ATG4A: variants seen among roughly 807,000 people sequenced by gnomAD.
The protein encoded by ATG4A is autophagy related 4A cysteine peptidase.
ATG4A carries 22 observed loss-of-function variants against 38.4 expected under a neutral mutation model. The observed-to-expected ratio is 0.57, with a 90% CI of 0.41 to 0.82. The LOEUF (loss-of-function observed/expected upper bound fraction) is 0.82. ATG4A is among the 40% of genes least tolerant of loss of function. The pLI, the probability that ATG4A is intolerant of heterozygous loss-of-function variation, is 0.00. For missense variants in ATG4A, 220 were observed against 290.0 expected (o/e 0.76, Z 1.75); for synonymous variants, 86 against 100.7 (o/e 0.85, Z 0.88).
At chrX:108,107,879 G>T (rs760571780) in intron 1 of ATG4A, among the ~76,000 whole-genome samples, 136 of 111,116 alleles carry the variant, frequency 1.2e-3, no homozygotes, top group South Asian at 4.6e-3. Context: ...TATGCCGGGG[G>T]ACTCATTACT....
intron 1 of ATG4A, among the ~76,000 whole-genome samples, chrX:108,110,784 G>A (rs755205893): frequency 1.8e-5 from 2 of 112,703 alleles, no homozygotes; most frequent in East Asian, 2.8e-4. Context: ...TGTGTTGAAT[G>A]TGCGTATTGC....
chrX:108,112,613 T>C (rs112210555), intron 1 of ATG4A, among the ~76,000 whole-genome samples: 129 of 110,661 alleles, frequency 1.2e-3, no homozygotes, highest in African/African-American at 3.8e-3. Context: ...GCCAGGATGG[T>C]CTTCATCTCC....
At chrX:108,107,853 G>C (rs1051665614) in intron 1 of ATG4A, among the ~76,000 whole-genome samples, 1 of 111,120 alleles carries the variant, frequency 9.0e-6, no homozygotes, top group Non-Finnish European at 1.9e-5. Flanking sequence ...CCATTGACAG[G>C]CCTCTACAAC....
intron 1 of ATG4A, among the ~76,000 whole-genome samples, chrX:108,094,771 C>G (rs1006125980): frequency 8.9e-6 from 1 of 112,068 alleles, no homozygotes; most frequent in African/African-American, 3.2e-5. Context: ...GCAGGTTAAT[C>G]ACTTCCAATT....
intron 4 of ATG4A, among the ~76,000 whole-genome samples, chrX:108,133,436 G>A (rs1248730343): frequency 8.9e-6 from 1 of 112,498 alleles, no homozygotes; most frequent in Non-Finnish European, 1.9e-5. Flanking sequence ...ATTGGTCTTA[G>A]GGAAACATTG....
At chrX:108,129,144 C>T (rs2032881136) in intron 3 of ATG4A, among the ~76,000 whole-genome samples, 1 of 112,638 alleles carries the variant, frequency 8.9e-6, no homozygotes, top group Admixed American at 9.4e-5. Context: ...GGGAAAATCA[C>T]ATAATCTTTT....
At chrX:108,125,299 C>T (rs2032769743) in intron 1 of ATG4A, among the ~76,000 whole-genome samples, 1 of 109,762 alleles carries the variant, frequency 9.1e-6, no homozygotes, top group Admixed American at 9.7e-5. Context: ...GCTCTTATCA[C>T]CCAGGAAATT....
intron 7 of ATG4A, 38 bp downstream of exon 7, chrX:108,137,208 T>C (rs1602662428): frequency 9.2e-7 from 1 of 1,092,050 alleles, no homozygotes; most frequent in Non-Finnish European, 1.3e-6. Context: ...AGCTGATGGG[T>C]GATGAGTTCC....
At chrX:108,091,510 C>A (rs780330916), upstream of ATG4A, 20 of 1,209,974 alleles carry the variant, frequency 1.7e-5, no homozygotes, top group South Asian at 3.5e-4. Flanking sequence ...GTTAGACACA[C>A]ACCCCTCCAT....
At chrX:108,123,027 G>A (rs1357114761) in intron 1 of ATG4A, among the ~76,000 whole-genome samples, 2 of 112,092 alleles carry the variant, frequency 1.8e-5, no homozygotes, top group Non-Finnish European at 3.8e-5. Flanking sequence ...TTGAAGACAT[G>A]CCCCAACATG....
intron 1 of ATG4A, among the ~76,000 whole-genome samples, chrX:108,107,243 A>T (rs1418998082): frequency 9.0e-6 from 1 of 110,720 alleles, no homozygotes; most frequent in Non-Finnish European, 1.9e-5. Flanking sequence ...CAATCGCATA[A>T]TTTCTATTGT....
intron 1 of ATG4A, among the ~76,000 whole-genome samples, chrX:108,119,096 C>T (rs747607384): frequency 8.9e-6 from 1 of 111,855 alleles, no homozygotes; most frequent in South Asian, 3.8e-4. Flanking sequence ...AACACATCTT[C>T]TCTTCCTAGG....
At chrX:108,094,549 T>C (rs961857635) in intron 1 of ATG4A, among the ~76,000 whole-genome samples, 1 of 111,884 alleles carries the variant, frequency 8.9e-6, no homozygotes, top group Admixed American at 9.5e-5. Flanking sequence ...TTTGGTGACC[T>C]TGATAGTTTT....
chrX:108,148,023 ATATATATATATATATATATAT>A (rs2033469390), intron 9 of ATG4A, among the ~76,000 whole-genome samples: 2 of 540 alleles, frequency 3.7e-3, no homozygotes, highest in African/African-American at 0.02. Flanking sequence ...AATGGAAAAT[ATATATATATATATATATATAT>A]ATATATATAT....
chrX:108,153,450 C>T (rs1007429487), intron 12 of ATG4A, among the ~76,000 whole-genome samples, 192 bp from the exon 13 acceptor site: 4 of 112,185 alleles, frequency 3.6e-5, no homozygotes, highest in African/African-American at 1.3e-4. Flanking sequence ...TGTAACAAGT[C>T]TGGCTATTTT....
chrX:108,090,179 C>T (rs754090276), upstream of ATG4A, among the ~76,000 whole-genome samples: 1 of 112,128 alleles, frequency 8.9e-6, no homozygotes, highest in Non-Finnish European at 1.9e-5. Flanking sequence ...AACTATGAGA[C>T]CATTATTACA....
intron 9 of ATG4A, among the ~76,000 whole-genome samples, chrX:108,144,348 G>A (rs1051669360): frequency 1.1e-4 from 12 of 112,569 alleles, no homozygotes; most frequent in African/African-American, 2.6e-4. Flanking sequence ...TGCCCTTTCC[G>A]TGATGGAAGA....
chrX:108,146,127 T>TAGTG (rs1238962007), intron 9 of ATG4A, among the ~76,000 whole-genome samples: 1 of 111,589 alleles, frequency 9.0e-6, no homozygotes, highest in Non-Finnish European at 1.9e-5. Flanking sequence ...GTCAGTAATA[T>TAGTG]AGTGAGGTCC....
intron 9 of ATG4A, among the ~76,000 whole-genome samples, chrX:108,141,017 T>C (rs1168163817): frequency 1.2e-5 from 1 of 85,752 alleles, no homozygotes; most frequent in East Asian, 3.3e-4. Flanking sequence ...TACGTATATA[T>C]ACACATATAT....
Sources: gnomAD v4.1 joint callset for allele counts (sites outside exome capture counted in the v4.1 genomes callset) on GRCh38, gnomAD v4.1.1 for gene constraint, MANE v1.5 for transcripts, NCBI Gene and HGNC (gene_info 2026-07-23, HGNC 2026-07-21) for gene names.